Variants in CYP39A1 observed in about 807,000 individuals in gnomAD.
CYP39A1 encodes 24-hydroxycholesterol 7-alpha-hydroxylase.
In CYP39A1, 49 loss-of-function variants were observed where a neutral mutation model predicts 58.1. The ratio of observed to expected loss-of-function variants is 0.84; its 90% CI spans 0.67 to 1.07. CYP39A1 has a LOEUF of 1.07. Among genes scored for constraint, CYP39A1 ranks in the 50% least tolerant of loss-of-function variants. The pLI, the probability that CYP39A1 is intolerant of heterozygous loss-of-function variation, is 0.00. For missense variants in CYP39A1, 531 were observed against 539.4 expected, an observed-to-expected ratio of 0.98 and a Z score of 0.16; for synonymous variants, 209 against 187.6, an observed-to-expected ratio of 1.11 and a Z score of -0.93.
intron 6 of CYP39A1, among the ~76,000 whole-genome samples, chr6:46,625,810 AAC>A (rs1775279630): frequency 6.6e-6 from 1 of 152,120 alleles, no homozygotes; most frequent in South Asian, 2.1e-4. Flanking sequence ...ACTAATGAGT[AAC>A]ACAAAATATT....
intron 1 of CYP39A1, among the ~76,000 whole-genome samples, chr6:46,644,419 G>A (rs72868082): frequency 3.4e-3 from 517 of 152,280 alleles, no homozygotes; most frequent in Middle Eastern, 6.8e-3. Context: ...TTGGGGGTCT[G>A]AGGCAGGAGT....
chr6:46,632,154 G>A (rs937082969), intron 5 of CYP39A1, among the ~76,000 whole-genome samples: 3 of 151,966 alleles, frequency 2.0e-5, no homozygotes, highest in Non-Finnish European at 4.4e-5. Context: ...GCATGGCAAT[G>A]GGAAAATGCA....
intron 2 of CYP39A1, among the ~76,000 whole-genome samples, 165 bp from the exon 3 acceptor site, chr6:46,639,833 G>A (rs114092604): frequency 0.01 from 1,564 of 152,262 alleles, 22 homozygotes; most frequent in African/African-American, 0.036. Context: ...ACCTATTCTC[G>A]ACTGAGTGTG....
chr6:46,612,036 T>C (rs781074402), intron 7 of CYP39A1, among the ~76,000 whole-genome samples: 4 of 152,082 alleles, frequency 2.6e-5, no homozygotes, highest in South Asian at 2.1e-4. Context: ...CAGAATAAGA[T>C]AGTGAAAGAT....
At chr6:46,552,384 C>T (rs1331668803) in intron 11 of CYP39A1, among the ~76,000 whole-genome samples, 1 of 152,194 alleles carries the variant, frequency 6.6e-6, no homozygotes, top group Non-Finnish European at 1.5e-5. Flanking sequence ...AGCTCTTCAT[C>T]ACCGATAAGT....
intron 11 of CYP39A1, among the ~76,000 whole-genome samples, chr6:46,551,746 T>C (rs1306375109): frequency 1.3e-5 from 2 of 152,196 alleles, no homozygotes; most frequent in Admixed American, 1.3e-4. Context: ...CAACAGAGTG[T>C]TCAGGACATG....
intron 8 of CYP39A1, 116 bp downstream of exon 8, chr6:46,595,871 T>A (rs1252082248): frequency 9.9e-7 from 1 of 1,006,204 alleles, no homozygotes; most frequent in African/African-American, 1.7e-5. Context: ...ATATATAAAA[T>A]ATTTATTTGT....
At chr6:46,590,104 A>C (rs1251213263) in intron 8 of CYP39A1, among the ~76,000 whole-genome samples, 6 of 152,220 alleles carry the variant, frequency 3.9e-5, no homozygotes, top group Non-Finnish European at 8.8e-5. Flanking sequence ...GCAAGCAGAC[A>C]TCATCACGCC....
At chr6:46,640,863 G>C (rs553160052) in intron 2 of CYP39A1, among the ~76,000 whole-genome samples, 1 of 146,560 alleles carries the variant, frequency 6.8e-6, no homozygotes, top group Non-Finnish European at 1.5e-5. Context: ...TTTGTATTTC[G>C]TCATCCTATT....
rs556925737 is a variant in CYP39A1 at position 46,614,530 on chromosome 6, G to C, written c.931+10888C>G. ...TTGATCACAGCATAAAATCTGGATA[G>C]ATGTGTCTTTTCTTCTTCATCTTAC... is the stretch of plus-strand genomic sequence containing the variant. On this transcript the variant is annotated intron_variant, in intron 7 of 11. Coordinates refer to ENST00000275016, the MANE Select transcript of CYP39A1 (RefSeq NM_016593.5). Among the ~76,000 whole-genome samples, 33 of 152,234 alleles carry C rather than the reference G, an allele frequency of 2.2e-4. 2 individuals are homozygous for C. In the South Asian group the frequency reaches 6.8e-3, roughly 32 times the overall value.
rs766646438 is a variant in CYP39A1, at chr6:46,631,000, A to G, written c.803T>C (p.Leu268Pro). Residue 268 changes from leucine (L) to proline (P), a missense_variant, in exon 6 of 12, where the codon CTC becomes CCC. Leu to Pro is a moderately conservative substitution (Grantham distance 98). Transcript: ENST00000275016. ...AGACAGAGAAGCCCAAAGCAGTAAGAGCCCATAATTGGGTGAGTTTTCCTT... is the reference window on the plus strand; with the variant it reads ...AGACAGAGAAGCCCAAAGCAGTAAGGGCCCATAATTGGGTGAGTTTTCCTT... ...TSKENSPNYG[L>P]LLLWASLSNA... The G allele has an allele frequency of 5.6e-6, 9 of 1,613,962 alleles. No individual in the cohort carries two copies. Among genetic ancestry groups the G allele is most frequent in the South Asian group, 2.2e-5 (2 of 91,088 alleles).
intron 8 of CYP39A1, 102 bp from the exon 9 acceptor site, chr6:46,588,231 T>C (rs1772597379): frequency 2.2e-6 from 1 of 444,826 alleles, no homozygotes; most frequent in Non-Finnish European, 4.0e-6. Context: ...GGTGAAGATA[T>C]ACCTTTTATA....
At chr6:46,638,658 T>C (rs1776143711) in intron 3 of CYP39A1, among the ~76,000 whole-genome samples, 1 of 152,212 alleles carries the variant, frequency 6.6e-6, no homozygotes, top group African/African-American at 2.4e-5. Context: ...CATTTTGTTA[T>C]AGATATTGGG....
At chr6:46,625,313 G>C in intron 7 of CYP39A1, 105 bp downstream of exon 7, 1 of 745,062 alleles carries the variant, frequency 1.3e-6, no homozygotes, top group Non-Finnish European at 2.1e-6. Flanking sequence ...GTTGAATTTT[G>C]GATTATGTTG....
intron 10 of CYP39A1, among the ~76,000 whole-genome samples, chr6:46,574,973 A>G (rs1446139891): frequency 6.6e-6 from 1 of 152,040 alleles, no homozygotes; most frequent in Non-Finnish European, 1.5e-5. Flanking sequence ...GAGTGGACAC[A>G]AAAAGGACAC....
chr6:46,651,920 G>A (rs1469611011), intron 1 of CYP39A1, among the ~76,000 whole-genome samples: 1 of 152,166 alleles, frequency 6.6e-6, no homozygotes, highest in African/African-American at 2.4e-5. Context: ...AGGCCGTAGT[G>A]AAAATGGAGT....
chr6:46,568,935 A>T (rs1442501225), intron 10 of CYP39A1, among the ~76,000 whole-genome samples: 1 of 151,916 alleles, frequency 6.6e-6, no homozygotes, highest in African/African-American at 2.4e-5. Context: ...AAAAAATAAC[A>T]TCATTGCGAT....
chr6:46,588,695 C>A (rs139920421), intron 8 of CYP39A1, among the ~76,000 whole-genome samples: 1 of 148,916 alleles, frequency 6.7e-6, no homozygotes, highest in Admixed American at 6.7e-5. Flanking sequence ...AGTCCAGCAC[C>A]GGTTATTAGG....
intron 7 of CYP39A1, among the ~76,000 whole-genome samples, chr6:46,608,032 G>T (rs1277370206): frequency 6.6e-6 from 1 of 152,168 alleles, no homozygotes; most frequent in East Asian, 1.9e-4. Flanking sequence ...TGAGATAATA[G>T]ATGAAAAACA....
Sources: gnomAD v4.1 joint callset for allele counts (sites outside exome capture counted in the v4.1 genomes callset) on GRCh38, gnomAD v4.1.1 for gene constraint, MANE v1.5 for transcripts, NCBI Gene and HGNC (gene_info 2026-07-23, HGNC 2026-07-21) for gene names.